Variants in RBFOX1 observed in about 807,000 individuals in gnomAD.
The protein encoded by RBFOX1 is RNA binding protein fox-1 homolog 1.
RBFOX1 carries 8 observed loss-of-function variants against 57.7 expected under a neutral mutation model. That is an observed-to-expected ratio of 0.14 (90% CI 0.08 to 0.25). The LOEUF is 0.25. Among genes scored for constraint, RBFOX1 ranks in the 10% least tolerant of loss-of-function variants. The pLI is 1.00. For synonymous variants in RBFOX1, 326 were observed against 222.4 expected (o/e 1.47, Z -4.15); for missense variants, 611 against 548.5 (o/e 1.11, Z -1.14).
At chr16:6,701,975 A>C (rs1018809458) in intron 3 of RBFOX1, among the ~76,000 whole-genome samples, 2 of 152,174 alleles carry the variant, frequency 1.3e-5, no homozygotes, top group Non-Finnish European at 2.9e-5. Context: ...GGTGAGGCTC[A>C]AAAACTACCT....
intron 4 of RBFOX1, among the ~76,000 whole-genome samples, chr16:5,923,014 C>G (rs1007165429): frequency 6.6e-6 from 1 of 152,156 alleles, no homozygotes; most frequent in African/African-American, 2.4e-5. Flanking sequence ...GTGTCTCAAC[C>G]CCCATGCCTC....
chr16:5,587,187 A>G (rs564146744), intron 2 of RBFOX1, among the ~76,000 whole-genome samples: 55 of 152,322 alleles, frequency 3.6e-4, no homozygotes, highest in African/African-American at 1.3e-3. Context: ...TATATATGCA[A>G]ATTGCATATC....
At chr16:6,161,105 C>T (rs935247828) in intron 1 of RBFOX1, among the ~76,000 whole-genome samples, 1 of 152,076 alleles carries the variant, frequency 6.6e-6, no homozygotes, top group African/African-American at 2.4e-5. Flanking sequence ...GAAGTGATCA[C>T]TGGCTGGGCA....
At chr16:6,504,744 A>G (rs2096043918) in intron 2 of RBFOX1, among the ~76,000 whole-genome samples, 1 of 152,126 alleles carries the variant, frequency 6.6e-6, no homozygotes, top group South Asian at 2.1e-4. Flanking sequence ...AGTGCATCAA[A>G]TCGGCACTTC....
At chr16:6,934,251 A>C (rs557325361) in intron 3 of RBFOX1, among the ~76,000 whole-genome samples, 5 of 152,328 alleles carry the variant, frequency 3.3e-5, no homozygotes, top group Admixed American at 6.5e-5. Context: ...GTCACTGTGA[A>C]AGCAGCTCTT....
chr16:7,078,606 C>T (rs1157113977), intron 4 of RBFOX1, among the ~76,000 whole-genome samples: 1 of 152,032 alleles, frequency 6.6e-6, no homozygotes, highest in African/African-American at 2.4e-5. Context: ...CTTTGGCCTC[C>T]TGATGTGTTG....
intron 3 of RBFOX1, among the ~76,000 whole-genome samples, chr16:6,806,582 A>G (rs1184824851): frequency 6.6e-6 from 1 of 151,922 alleles, no homozygotes; most frequent in African/African-American, 2.4e-5. Context: ...AGCCTGAACT[A>G]GTTCCCAGCA....
intron 1 of RBFOX1, among the ~76,000 whole-genome samples, chr16:5,400,939 T>A (rs1234362017): frequency 6.6e-6 from 1 of 152,210 alleles, no homozygotes; most frequent in African/African-American, 2.4e-5. Flanking sequence ...AATATTTTTC[T>A]TATTGATTTG....
chr16:5,575,662 A>G (rs2046427302), intron 2 of RBFOX1, among the ~76,000 whole-genome samples: 1 of 152,194 alleles, frequency 6.6e-6, no homozygotes, highest in Non-Finnish European at 1.5e-5. Context: ...AAAGTGCTAC[A>G]TTGTGTGGAG....
chr16:6,674,662 A>G (rs570543266), intron 3 of RBFOX1, among the ~76,000 whole-genome samples: 79 of 152,190 alleles, frequency 5.2e-4, no homozygotes, highest in African/African-American at 1.7e-3. Flanking sequence ...AGATGTACGA[A>G]TGTAGACTCA....
intron 4 of RBFOX1, among the ~76,000 whole-genome samples, chr16:5,999,525 A>T (rs1447027499): frequency 6.6e-6 from 1 of 152,234 alleles, no homozygotes; most frequent in Admixed American, 6.5e-5. Flanking sequence ...AAAGAGGTGT[A>T]ACGCCAGGGC....
chr16:7,270,702 C>G (rs570194174), intron 4 of RBFOX1, among the ~76,000 whole-genome samples: 1 of 152,276 alleles, frequency 6.6e-6, no homozygotes, highest in East Asian at 1.9e-4. Context: ...GCTCTGGAAA[C>G]ATTCACTACT....
chr16:6,984,731 C>T (rs1568224803), intron 3 of RBFOX1, among the ~76,000 whole-genome samples: 1 of 152,100 alleles, frequency 6.6e-6, no homozygotes, highest in Non-Finnish European at 1.5e-5. Flanking sequence ...ACCTCTGCCT[C>T]CCAGGTTCAT....
At chr16:6,845,063 G>T (rs1045008369) in intron 3 of RBFOX1, among the ~76,000 whole-genome samples, 2 of 152,070 alleles carry the variant, frequency 1.3e-5, no homozygotes, top group Non-Finnish European at 2.9e-5. Context: ...TGAGTTCCTT[G>T]TACACTCTGG....
chr16:5,761,182 C>A (rs1308297114), intron 3 of RBFOX1, among the ~76,000 whole-genome samples: 3 of 152,070 alleles, frequency 2.0e-5, no homozygotes, highest in Non-Finnish European at 4.4e-5. Flanking sequence ...GCAGGGGAGC[C>A]CTCTCGCTGC....
At chr16:7,625,277 C>G (rs1269498852) in intron 10 of RBFOX1, among the ~76,000 whole-genome samples, 4 of 152,162 alleles carry the variant, frequency 2.6e-5, no homozygotes, top group Admixed American at 2.0e-4. Context: ...TGAGTGAACC[C>G]TGTTCCTAAT....
At chr16:5,409,562 A>C (rs1236043266) in intron 1 of RBFOX1, among the ~76,000 whole-genome samples, 1 of 152,206 alleles carries the variant, frequency 6.6e-6, no homozygotes, top group African/African-American at 2.4e-5. Flanking sequence ...CTTCATACTC[A>C]ACAAATATTT....
intron 4 of RBFOX1, among the ~76,000 whole-genome samples, chr16:7,276,330 C>G (rs1397330272): frequency 6.6e-6 from 1 of 152,118 alleles, no homozygotes; most frequent in Non-Finnish European, 1.5e-5. Context: ...TGATGTCAGT[C>G]TGTTTGGAGG....
chr16:5,535,895 G>A (rs1391465289), intron 2 of RBFOX1, among the ~76,000 whole-genome samples: 1 of 152,180 alleles, frequency 6.6e-6, no homozygotes, highest in Non-Finnish European at 1.5e-5. Context: ...GGGGCGTACT[G>A]TAAGAGTCAC....
Sources: gnomAD v4.1 joint callset for allele counts (sites outside exome capture counted in the v4.1 genomes callset) on GRCh38, gnomAD v4.1.1 for gene constraint, MANE v1.5 for transcripts, NCBI Gene and HGNC (gene_info 2026-07-23, HGNC 2026-07-21) for gene names.